Variants in PCDHGA2 observed in about 807,000 individuals in gnomAD.
PCDHGA2 encodes the protein protocadherin gamma-A2.
PCDHGA2 carries 40 observed loss-of-function variants against 59.2 expected under a neutral mutation model. That is an observed-to-expected ratio of 0.68 (90% CI 0.52 to 0.88). The LOEUF is 0.88. Among genes scored for constraint, PCDHGA2 ranks in the 40% least tolerant of loss-of-function variants. The pLI is 0.00. For missense variants in PCDHGA2, 1,226 were observed against 1,204.0 expected, an observed-to-expected ratio of 1.02 and a Z score of -0.27; for synonymous variants, 560 against 526.0, an observed-to-expected ratio of 1.06 and a Z score of -0.89.
At chr5:141,393,404 G>A (rs1159260916) in intron 1 of PCDHGA2, 1 of 1,614,024 alleles carries the variant, frequency 6.2e-7, no homozygotes, top group Non-Finnish European at 8.5e-7. Context: ...TGGTGCTGGA[G>A]CGCGCCCTGG....
Position 141,339,665 on chromosome 5 carries a change from G to A in PCDHGA2, c.694G>A (p.Val232Ile), listed in dbSNP as rs1300643395. The A allele has an allele frequency of 6.2e-7, 1 of 1,614,200 alleles. No homozygotes were observed. Among genetic ancestry groups the A allele is most frequent in the South Asian group, 1.1e-5 (1 of 91,080 alleles). Residue 232 changes from valine (V) to isoleucine (I), a missense_variant, in exon 1 of 4, where the codon GTC (valine) becomes ATC (isoleucine). Physicochemically the swap from Val to Ile is conservative, Grantham distance 29 (BLOSUM62 3). Coordinates refer to ENST00000394576, the MANE Select transcript of PCDHGA2 (RefSeq NM_018915.4). ...TGGCACCTCCCGCATCTGCGTGAAG[G>A]TCCTGGATGCGAACGACAATGCGCC... ...LSGTSRICVK[V>I]LDANDNAPVF... is the part of the protein sequence containing the mutation.
intron 1 of PCDHGA2, chr5:141,410,489 G>T (rs1233643247): frequency 1.9e-6 from 3 of 1,613,854 alleles, no homozygotes; most frequent in Non-Finnish European, 1.7e-6. Context: ...GGGTACAAAA[G>T]AGTTTAATTT....
In PCDHGA2 at chr5:141,351,040, G is replaced by A. The variant is rs780012023; in HGVS notation, c.2424+9645G>A. ...TACCGTGGGGAACCTCCGTGCTGCG[G>A]GTGATGGCCACAGACCAGGATGAGG... On this transcript the variant is annotated intron_variant, in intron 1 of 3. Transcript: ENST00000394576. 16 of 1,613,958 alleles carry A rather than the reference G, an allele frequency of 9.9e-6. No homozygotes were observed. The Middle Eastern group carries it at 4.9e-4, about 50-fold the overall frequency.
intron 1 of PCDHGA2, among the ~76,000 whole-genome samples, chr5:141,407,049 C>T (rs1483952329): frequency 6.6e-6 from 1 of 152,162 alleles, no homozygotes. Context: ...TCCATAGATA[C>T]ACTGATGACT....
At chr5:141,375,929 CT>C (rs1378296851) in intron 1 of PCDHGA2, 3 of 1,613,620 alleles carry the variant, frequency 1.9e-6, no homozygotes, top group Non-Finnish European at 1.7e-6. Context: ...CGAGCCAGGA[CT>C]TTTCTCAGTG....
At chr5:141,392,633 A>T (rs2092567816) in intron 1 of PCDHGA2, 1 of 610,728 alleles carries the variant, frequency 1.6e-6, no homozygotes, top group African/African-American at 1.9e-5. Flanking sequence ...CTCAGATCTC[A>T]CACCTCACGA....
intron 1 of PCDHGA2, chr5:141,371,027 C>A: frequency 6.2e-7 from 1 of 1,613,992 alleles, no homozygotes; most frequent in South Asian, 1.1e-5. Context: ...ACCACCTGGT[C>A]CTCACAGCTG....
At chr5:141,359,655 A>G (rs1161602645) in intron 1 of PCDHGA2, among the ~76,000 whole-genome samples, 4 of 152,072 alleles carry the variant, frequency 2.6e-5, no homozygotes, top group African/African-American at 9.7e-5. Flanking sequence ...GAGACAGAAT[A>G]TTTATAAAAA....
chr5:141,388,723 C>T, intron 1 of PCDHGA2: 1 of 1,614,018 alleles, frequency 6.2e-7, no homozygotes, highest in Non-Finnish European at 8.5e-7. Flanking sequence ...ATTACTTTCT[C>T]TTTCAGTGAA....
chr5:141,357,079 C>G, intron 1 of PCDHGA2: 6 of 1,613,938 alleles, frequency 3.7e-6, no homozygotes, highest in Non-Finnish European at 5.1e-6. Context: ...AGGCGAGGTG[C>G]GCACCGCACG....
chr5:141,402,882 G>C, intron 1 of PCDHGA2: 2 of 1,479,680 alleles, frequency 1.4e-6, no homozygotes, highest in East Asian at 4.8e-5. Context: ...TACTTTGCAG[G>C]GTGGAAGAAA....
intron 2 of PCDHGA2, among the ~76,000 whole-genome samples, chr5:141,495,377 G>A (rs558501090): frequency 1.9e-4 from 29 of 152,330 alleles, no homozygotes; most frequent in Admixed American, 6.5e-4. Flanking sequence ...ACTGAGGAAG[G>A]ACTGGGCGGG....
intron 1 of PCDHGA2, chr5:141,389,849 T>C (rs773205213): frequency 6.2e-7 from 1 of 1,614,066 alleles, no homozygotes; most frequent in South Asian, 1.1e-5. Context: ...TCTCGGCCAC[T>C]GCCACGTTGC....
chr5:141,419,454 T>A (rs1191326733), intron 1 of PCDHGA2: 1 of 1,612,786 alleles, frequency 6.2e-7, no homozygotes, highest in Non-Finnish European at 8.5e-7. Flanking sequence ...GAGCTCACGC[T>A]GCAGGCCCGC....
intron 1 of PCDHGA2, chr5:141,356,138 G>A (rs753493345): frequency 6.2e-7 from 1 of 1,613,698 alleles, no homozygotes; most frequent in South Asian, 1.1e-5. Flanking sequence ...GAGGACTCTG[G>A]ATTCTATGAC....
chr5:141,422,494 T>G lies in PCDHGA2; in HGVS notation c.2425-72313T>G, dbSNP rs772798862. On this transcript the variant is annotated intron_variant, in intron 1 of 3. Transcript: ENST00000394576. ...GTTGGTCCAGAGCTACAATATAACG[T>G]TGACAGCCACAGACCAGGGAAGCCC... The G allele has an allele frequency of 3.5e-5, 56 of 1,613,848 alleles. No homozygotes were observed. Among genetic ancestry groups the G allele is most frequent in the Non-Finnish European group, 1.0e-5 (12 of 1,179,896 alleles).
intron 1 of PCDHGA2, chr5:141,409,350 G>T: frequency 6.2e-7 from 1 of 1,613,922 alleles, no homozygotes; most frequent in Non-Finnish European, 8.5e-7. Context: ...GGAGAAGTCA[G>T]GTGTAATATA....
chr5:141,413,398 A>G lies in PCDHGA2; in HGVS notation c.2424+72003A>G, dbSNP rs780416951. The G allele has an allele frequency of 1.9e-5, 30 of 1,613,944 alleles. No homozygotes were observed. Among genetic ancestry groups the G allele is most frequent in the African/African-American group, 4.0e-5 (3 of 74,960 alleles). Reference sequence around the variant, plus strand: ...CGGAGTCCGCATAGTCTCCAGAGGTAGGACGCAGCTTTTCTCTCTGAACCC... The same window carrying G: ...CGGAGTCCGCATAGTCTCCAGAGGTGGGACGCAGCTTTTCTCTCTGAACCC... On this transcript the variant is annotated intron_variant, in intron 1 of 3. Transcript: ENST00000394576.
At chr5:141,383,731 A>T in intron 1 of PCDHGA2, 1 of 1,614,000 alleles carries the variant, frequency 6.2e-7, no homozygotes. Context: ...TGGGGAAGTG[A>T]CATATTCTTT....
Sources: gnomAD v4.1 joint callset for allele counts (sites outside exome capture counted in the v4.1 genomes callset) on GRCh38, gnomAD v4.1.1 for gene constraint, MANE v1.5 for transcripts, NCBI Gene and HGNC (gene_info 2026-07-23, HGNC 2026-07-21) for gene names.